The following SLC23A2 variants were observed in gnomAD, a reference collection of about 807,000 sequenced individuals.
The protein encoded by SLC23A2 is Na(+)/L-ascorbic acid transporter 2.
A neutral mutation model predicts 73.3 loss-of-function variants in SLC23A2; 36 were observed. The ratio of observed to expected loss-of-function variants is 0.49; its 90% CI spans 0.38 to 0.65. SLC23A2 has a LOEUF of 0.65. Among genes scored for constraint, SLC23A2 ranks in the 30% least tolerant of loss-of-function variants. The probability of loss-of-function intolerance (pLI) is 0.00; values close to 1 mark genes in which losing one functional copy is unlikely to be tolerated. For synonymous variants in SLC23A2, 343 were observed against 327.3 expected, an observed-to-expected ratio of 1.05 and a Z score of -0.52; for missense variants, 507 against 841.6, an observed-to-expected ratio of 0.60 and a Z score of 4.92.
chr20:5,008,758 A>G (rs761586562), intron 1 of SLC23A2, among the ~76,000 whole-genome samples: 27 of 151,674 alleles, frequency 1.8e-4, no homozygotes, highest in Non-Finnish European at 3.4e-4. Context: ...ATTTTTTCTT[A>G]AGATGGGTAT....
chr20:4,996,549 A>G (rs1014989234), intron 1 of SLC23A2, among the ~76,000 whole-genome samples: 25 of 151,862 alleles, frequency 1.6e-4, no homozygotes, highest in African/African-American at 6.1e-4. Context: ...AGCCGGGTAC[A>G]GTGGTATGCA....
At chr20:4,950,666 C>T (rs1394851462) in intron 2 of SLC23A2, among the ~76,000 whole-genome samples, 1 of 152,096 alleles carries the variant, frequency 6.6e-6, no homozygotes, top group African/African-American at 2.4e-5. Context: ...CACCCTCTGC[C>T]CTGTGGAATA....
At chr20:5,001,224 C>T (rs1045653914) in intron 1 of SLC23A2, among the ~76,000 whole-genome samples, 182 bp downstream of exon 1, 1 of 143,530 alleles carries the variant, frequency 7.0e-6, no homozygotes, top group African/African-American at 2.5e-5. Context: ...GGGTGGCCGG[C>T]GGGCGCGGGG....
intron 12 of SLC23A2, 69 bp downstream of exon 12, chr20:4,869,837 A>G: frequency 7.1e-7 from 1 of 1,409,388 alleles, no homozygotes; most frequent in East Asian, 2.3e-5. Flanking sequence ...TCTTCAAGGT[A>G]ATGTAAACCT....
At chr20:4,913,057 T>C (rs962575501) in intron 3 of SLC23A2, 79 bp from the exon 4 acceptor site, 12 of 897,446 alleles carry the variant, frequency 1.3e-5, no homozygotes, top group Non-Finnish European at 1.9e-5. Context: ...GTAATTCTCC[T>C]GGTGAGTGCA....
intron 3 of SLC23A2, among the ~76,000 whole-genome samples, chr20:4,929,634 A>C (rs1932763759): frequency 6.6e-6 from 1 of 152,244 alleles, no homozygotes; most frequent in East Asian, 1.9e-4. Flanking sequence ...AAATGAAGTC[A>C]CATTTAAAAG....
chr20:4,934,769 A>G (rs951148439), intron 2 of SLC23A2, among the ~76,000 whole-genome samples: 1 of 152,016 alleles, frequency 6.6e-6, no homozygotes, highest in African/African-American at 2.4e-5. Context: ...AAGCTGAGGC[A>G]GGAGGATCAC....
rs181441575 is a variant in SLC23A2, at chr20:4,974,408, C to T, written c.-281-3489G>A. ...GCTTGAACCCAGGAGGCGGAGGTTGCGGTGAGCCGAGATCGCGCATTGCAC... is the reference window on the plus strand; with the variant it reads ...GCTTGAACCCAGGAGGCGGAGGTTGTGGTGAGCCGAGATCGCGCATTGCAC... On this transcript the variant is annotated intron_variant, in intron 1 of 16. Coordinates refer to ENST00000338244, the MANE Select transcript of SLC23A2 (RefSeq NM_005116.6). Among the ~76,000 whole-genome samples the T allele has an allele frequency of 2.2e-3, 330 of 152,032 alleles. 1 individual carries two copies. Among genetic ancestry groups the T allele is most frequent in the African/African-American group, 7.4e-3 (306 of 41,454 alleles).
intron 6 of SLC23A2, among the ~76,000 whole-genome samples, chr20:4,889,453 G>A (rs1291437908): frequency 1.3e-5 from 2 of 151,944 alleles, no homozygotes; most frequent in South Asian, 2.1e-4. Context: ...AAGGACCACC[G>A]TAGGAGAACT....
intron 1 of SLC23A2, among the ~76,000 whole-genome samples, chr20:5,006,527 A>G (rs140202092): frequency 1.5e-3 from 221 of 151,000 alleles, no homozygotes; most frequent in African/African-American, 5.2e-3. Context: ...TTGATGGCAA[A>G]TGTTCATCTG....
intron 1 of SLC23A2, among the ~76,000 whole-genome samples, chr20:4,978,906 T>C (rs2681117): frequency 0.069 from 10,454 of 152,034 alleles, 417 homozygotes; most frequent in Middle Eastern, 0.19. Context: ...TAGGGTAAAA[T>C]CAGAAAGAGT....
chr20:4,880,240 T>C (rs1037240558), intron 9 of SLC23A2, among the ~76,000 whole-genome samples: 4 of 152,242 alleles, frequency 2.6e-5, no homozygotes, highest in Admixed American at 1.3e-4. Context: ...ATATAGTCTC[T>C]GTTCCTTGAA....
intron 3 of SLC23A2, among the ~76,000 whole-genome samples, chr20:4,920,350 G>A (rs1038185143): frequency 6.6e-6 from 1 of 152,168 alleles, no homozygotes; most frequent in Admixed American, 6.6e-5. Flanking sequence ...AAGAAAACAG[G>A]CATTTACACA....
rs143024126 is a variant in SLC23A2 at position 4,989,798 on chromosome 20, A to G, written c.-282+11608T>C. On this transcript the variant is annotated intron_variant, in intron 1 of 16. Coordinates refer to ENST00000338244, the MANE Select transcript of SLC23A2 (RefSeq NM_005116.6). ...AAAGTTTCCCATTTTAGATTTGGGG[A>G]TTAGAAATGCTCAATGTGTATTATG... Among the ~76,000 whole-genome samples the G allele has an allele frequency of 3.0e-3, 457 of 152,214 alleles. 2 individuals are homozygous for G. The highest frequency in any genetic ancestry group is 0.011 in the African/African-American group (450 of 41,528).
intron 15 of SLC23A2, among the ~76,000 whole-genome samples, chr20:4,861,166 C>G (rs145995517): frequency 2.0e-5 from 3 of 152,072 alleles, no homozygotes; most frequent in Admixed American, 1.3e-4. Flanking sequence ...TAGAATAGAC[C>G]GTGAATCCAT....
intron 1 of SLC23A2, among the ~76,000 whole-genome samples, chr20:4,999,242 G>C (rs758686880): frequency 2.6e-5 from 4 of 152,162 alleles, no homozygotes; most frequent in Non-Finnish European, 4.4e-5. Context: ...GCCAATTCGG[G>C]ATTTCAAACA....
intron 12 of SLC23A2, chr20:4,869,558 CA>C (rs11470418): frequency 0.02 from 4,365 of 222,256 alleles, 206 homozygotes; most frequent in African/African-American, 0.091. Flanking sequence ...CACACACACA[CA>C]CCCCAAAAAA....
intron 2 of SLC23A2, among the ~76,000 whole-genome samples, chr20:4,961,355 T>C (rs1243410456): frequency 1.3e-5 from 2 of 151,950 alleles, no homozygotes; most frequent in East Asian, 3.9e-4. Flanking sequence ...GTGCTGGGAT[T>C]ACAGGCGTGA....
intron 3 of SLC23A2, among the ~76,000 whole-genome samples, chr20:4,925,176 C>T (rs1329307720): frequency 9.7e-5 from 14 of 143,914 alleles, no homozygotes; most frequent in African/African-American, 3.7e-4. Context: ...GAGCAAGACT[C>T]TGTCAAAAAA....
Sources: allele counts gnomAD v4.1 joint callset (sites outside exome capture counted in the v4.1 genomes callset), GRCh38; gene constraint gnomAD v4.1.1; transcripts MANE v1.5; gene names NCBI Gene and HGNC (gene_info 2026-07-23, HGNC 2026-07-21).